Variants in PCSK5 observed in about 807,000 individuals in gnomAD.
PCSK5 encodes proprotein convertase subtilisin/kexin type 5.
A neutral mutation model predicts 233.2 loss-of-function variants in PCSK5; 129 were observed. The ratio of observed to expected loss-of-function variants is 0.55; its 90% CI spans 0.48 to 0.64. The LOEUF (loss-of-function observed/expected upper bound fraction) is 0.64, where lower values mean the gene tolerates loss of function less well. Ranked by LOEUF, PCSK5 falls within the 30% of genes least tolerant of loss-of-function variation. The pLI, the probability that PCSK5 is intolerant of heterozygous loss-of-function variation, is 0.00. For synonymous variants in PCSK5, 825 were observed against 879.2 expected, an observed-to-expected ratio of 0.94 and a Z score of 1.09; for missense variants, 2,076 against 2,430.1, an observed-to-expected ratio of 0.85 and a Z score of 3.06.
At chr9:76,285,187 C>G (rs2036053) in intron 24 of PCSK5, among the ~76,000 whole-genome samples, 148,810 of 152,278 alleles carry the variant, frequency 0.98, 72,748 homozygotes, top group East Asian at 1. Context: ...TATTGGCCAA[C>G]CTGAATCCTG....
chr9:76,132,356 G>A (rs1031445337), intron 9 of PCSK5, among the ~76,000 whole-genome samples: 1 of 152,034 alleles, frequency 6.6e-6, no homozygotes, highest in African/African-American at 2.4e-5. Flanking sequence ...AACAAGTGCT[G>A]TATCCTAAGA....
intron 24 of PCSK5, among the ~76,000 whole-genome samples, chr9:76,254,201 T>A (rs1425272812): frequency 1.3e-5 from 2 of 152,086 alleles, no homozygotes; most frequent in Non-Finnish European, 2.9e-5. Flanking sequence ...GGAGGTGCAA[T>A]CTTACCATGT....
intron 20 of PCSK5, among the ~76,000 whole-genome samples, chr9:76,220,455 A>G (rs1038912342): frequency 6.8e-6 from 1 of 147,380 alleles, no homozygotes; most frequent in African/African-American, 2.5e-5. Context: ...TGAACATGGG[A>G]GGCAGAGGTT....
intron 1 of PCSK5, among the ~76,000 whole-genome samples, chr9:75,912,321 G>T (rs1822779721): frequency 6.6e-6 from 1 of 152,162 alleles, no homozygotes; most frequent in Admixed American, 6.6e-5. Context: ...CTACTATGTT[G>T]GAGGCATGGC....
chr9:76,205,010 G>A (rs967134235), intron 20 of PCSK5, among the ~76,000 whole-genome samples: 23 of 152,194 alleles, frequency 1.5e-4, no homozygotes, highest in African/African-American at 5.3e-4. Context: ...CAGCAAAGGG[G>A]TCATCTCAAA....
chr9:76,135,251 T>G (rs889176100), intron 10 of PCSK5, among the ~76,000 whole-genome samples: 1 of 152,092 alleles, frequency 6.6e-6, no homozygotes, highest in Non-Finnish European at 1.5e-5. Flanking sequence ...TATCCTTATA[T>G]GAGCAATATA....
chr9:75,974,957 A>C (rs1223331054), intron 2 of PCSK5, among the ~76,000 whole-genome samples: 2 of 152,244 alleles, frequency 1.3e-5, no homozygotes, highest in African/African-American at 4.8e-5. Flanking sequence ...CCTTTGATTC[A>C]TAAAGCTAGA....
chr9:76,341,693 CTCTCT>C (rs1247680994), intron 35 of PCSK5, among the ~76,000 whole-genome samples: 3 of 152,212 alleles, frequency 2.0e-5, no homozygotes, highest in Non-Finnish European at 4.4e-5. Flanking sequence ...TACTCCCTCT[CTCTCT>C]TATCTTTACT....
intron 10 of PCSK5, among the ~76,000 whole-genome samples, chr9:76,138,876 C>T (rs988142297): frequency 2.0e-5 from 3 of 151,992 alleles, no homozygotes; most frequent in Non-Finnish European, 2.9e-5. Flanking sequence ...CACTGCCCTC[C>T]CAGACTATGT....
At chr9:76,248,208 G>C (rs1186977340) in intron 24 of PCSK5, among the ~76,000 whole-genome samples, 1 of 152,122 alleles carries the variant, frequency 6.6e-6, no homozygotes, top group African/African-American at 2.4e-5. Flanking sequence ...AGGATTACAG[G>C]CATGATCTAC....
At chr9:76,177,350 T>C (rs1823659396) in intron 14 of PCSK5, among the ~76,000 whole-genome samples, 2 of 152,124 alleles carry the variant, frequency 1.3e-5, no homozygotes, top group Non-Finnish European at 2.9e-5. Flanking sequence ...AATGTATCTT[T>C]AGATGAGAAA....
intron 1 of PCSK5, among the ~76,000 whole-genome samples, chr9:75,926,138 C>T (rs1432709802): frequency 1.3e-5 from 2 of 152,136 alleles, no homozygotes; most frequent in Admixed American, 6.6e-5. Context: ...CCCATTCTTT[C>T]ATTCATTGTT....
chr9:76,273,490 C>T (rs1432296573), intron 24 of PCSK5, among the ~76,000 whole-genome samples: 2 of 150,456 alleles, frequency 1.3e-5, no homozygotes, highest in East Asian at 3.9e-4. Flanking sequence ...TCTCCCTGGG[C>T]TAACAGCTGT....
intron 35 of PCSK5, among the ~76,000 whole-genome samples, chr9:76,339,736 G>A (rs932157169): frequency 1.3e-5 from 2 of 151,958 alleles, no homozygotes; most frequent in African/African-American, 4.8e-5. Context: ...GTAGAGGCAG[G>A]GTTTCACCAT....
At chr9:75,892,044 TG>T (rs1237744896) in intron 1 of PCSK5, among the ~76,000 whole-genome samples, 1 of 151,822 alleles carries the variant, frequency 6.6e-6, no homozygotes, top group Non-Finnish European at 1.5e-5. Context: ...GGAGTTGTAG[TG>T]GGGAGGTGGG....
chr9:76,163,895 T>C (rs986473044), intron 12 of PCSK5, among the ~76,000 whole-genome samples: 1 of 147,356 alleles, frequency 6.8e-6, no homozygotes, highest in African/African-American at 2.5e-5. Flanking sequence ...ATCTCCCTTA[T>C]TGAGTTTTAG....
chr9:76,212,714 T>G (rs1388561620), intron 20 of PCSK5, among the ~76,000 whole-genome samples: 1 of 152,250 alleles, frequency 6.6e-6, no homozygotes, highest in African/African-American at 2.4e-5. Flanking sequence ...TAATGACATT[T>G]ATTCACCATT....
chr9:76,077,676 G>T (rs1292624293), intron 7 of PCSK5, among the ~76,000 whole-genome samples: 1 of 152,144 alleles, frequency 6.6e-6, no homozygotes, highest in East Asian at 1.9e-4. Context: ...CTGTCCCTGT[G>T]TTAATTTGCT....
At chr9:76,132,547 T>C (rs1224679300) in intron 9 of PCSK5, among the ~76,000 whole-genome samples, 1 of 152,068 alleles carries the variant, frequency 6.6e-6, no homozygotes, top group Non-Finnish European at 1.5e-5. Context: ...ATTTTTAATC[T>C]GAGACCATAA....
Sources: allele counts gnomAD v4.1 joint callset (sites outside exome capture counted in the v4.1 genomes callset), GRCh38; gene constraint gnomAD v4.1.1; transcripts MANE v1.5; gene names NCBI Gene and HGNC (gene_info 2026-07-23, HGNC 2026-07-21).